Variants in NXPE4 observed in about 807,000 individuals in gnomAD.
NXPE4 encodes NXPE family member 4.
A neutral mutation model predicts 33.3 loss-of-function variants in NXPE4; 42 were observed. The observed-to-expected ratio is 1.26, with a 90% CI of 0.98 to 1.63. NXPE4 has a LOEUF of 1.63. Ranked by LOEUF, NXPE4 falls within the 40% of genes most tolerant of loss-of-function variation. NXPE4 has a pLI of 0.00. For missense variants in NXPE4, 709 were observed against 647.6 expected (o/e 1.09, Z -1.03); for synonymous variants, 253 against 234.9 (o/e 1.08, Z -0.71).
At chr11:114,652,355 G>T in the NXPE4 span, among the ~76,000 whole-genome samples, 1 of 152,192 alleles carries the variant, frequency 6.6e-6, no homozygotes, top group African/African-American at 2.4e-5. Context: ...AAAGCTCCCT[G>T]TGCCTAAGCT....
chr11:114,587,651 G>A (rs1348362428), intron 2 of NXPE4, among the ~76,000 whole-genome samples: 1 of 152,166 alleles, frequency 6.6e-6, no homozygotes, highest in Non-Finnish European at 1.5e-5. Flanking sequence ...AGGGCTCAGG[G>A]CGCCAAGGAG....
chr11:114,639,163 G>C, the NXPE4 span, among the ~76,000 whole-genome samples: 1 of 152,032 alleles, frequency 6.6e-6, no homozygotes, highest in Non-Finnish European at 1.5e-5. Flanking sequence ...AAGCAAGCCT[G>C]GGCAATGGTG....
In NXPE4 at chr11:114,594,667, T is replaced by C; in HGVS notation, c.93A>G (p.Thr31=). ...ACATAAATAAAGCATTTCCTACCTT[T>C]GTGGAGTTCTGGAAAACTGTAAAAA... ...WIIFTVFQNS[T]KVWSALNLSI... is the part of the protein sequence containing the mutation. The change falls in exon 2 of 6, where the codon ACA becomes ACG. Residue 31 remains threonine, a synonymous_variant. Transcript: ENST00000375478. 6.3e-7 allele frequency: 1 copy of C among 1,587,422 alleles called. No individual in the cohort carries two copies. The highest frequency in any genetic ancestry group is 8.6e-7 in the Non-Finnish European group (1 of 1,159,592).
At chr11:114,573,863 TAACAGATATTTACAGAACA>T (rs1948942983) in intron 5 of NXPE4, among the ~76,000 whole-genome samples, 1 of 151,978 alleles carries the variant, frequency 6.6e-6, no homozygotes, top group Non-Finnish European at 1.5e-5. Context: ...CAAATGAACT[TAACAGATATTTACAGAACA>T]TTCTACCCAA....
At chr11:114,664,526 C>G in the NXPE4 span, among the ~76,000 whole-genome samples, 45 of 152,294 alleles carry the variant, frequency 3.0e-4, no homozygotes, top group Non-Finnish European at 5.4e-4. Context: ...GACAGAGTGT[C>G]ATTTCCCACA....
the NXPE4 span, among the ~76,000 whole-genome samples, chr11:114,648,245 C>G: frequency 6.6e-6 from 1 of 151,958 alleles, no homozygotes; most frequent in Non-Finnish European, 1.5e-5. Context: ...ACTCACCAGT[C>G]TGAATTTGAA....
chr11:114,606,494 A>C, the NXPE4 span, among the ~76,000 whole-genome samples: 1 of 151,690 alleles, frequency 6.6e-6, no homozygotes, highest in Non-Finnish European at 1.5e-5. Context: ...CTTGGTGGAT[A>C]ATAAGTGTTG....
At chr11:114,596,154 A>C (rs1949569420), upstream of NXPE4, among the ~76,000 whole-genome samples, 1 of 152,180 alleles carries the variant, frequency 6.6e-6, no homozygotes, top group African/African-American at 2.4e-5. Flanking sequence ...GTATTATCTC[A>C]TACATAGTAG....
intron 2 of NXPE4, among the ~76,000 whole-genome samples, chr11:114,593,366 A>G (rs746459741): frequency 2.6e-5 from 4 of 152,144 alleles, no homozygotes. Context: ...ATTGGGCAAA[A>G]GATCTGAATA....
the NXPE4 span, among the ~76,000 whole-genome samples, chr11:114,667,408 A>G: frequency 2.6e-5 from 4 of 152,112 alleles, no homozygotes; most frequent in Non-Finnish European, 4.4e-5. Context: ...TCAGTTAGAG[A>G]TTATCCATTA....
the NXPE4 span, among the ~76,000 whole-genome samples, chr11:114,626,372 A>G: frequency 1.3e-5 from 2 of 152,024 alleles, no homozygotes; most frequent in Non-Finnish European, 2.9e-5. Context: ...CTGACCCCTG[A>G]CCCCCGAGCA....
the NXPE4 span, among the ~76,000 whole-genome samples, chr11:114,637,016 G>A: frequency 0.02 from 2,673 of 137,064 alleles, no homozygotes; most frequent in Middle Eastern, 0.034. Context: ...CCTGGGTATC[G>A]TTGTTGACTT....
the NXPE4 span, among the ~76,000 whole-genome samples, chr11:114,602,716 CAT>C: frequency 0.2 from 28,855 of 142,328 alleles, 3,399 homozygotes; most frequent in African/African-American, 0.33. Context: ...TACAGAATCA[CAT>C]ATAATTATCT....
rs565930451 is a variant in NXPE4 at position 114,570,903 on chromosome 11, T to A, written c.*35A>T. The A allele has an allele frequency of 2.7e-6, 4 of 1,463,216 alleles. No individual in the cohort carries two copies. The highest frequency in any genetic ancestry group is 4.0e-5 in the Admixed American group (2 of 49,844). 90.6% of individuals were successfully genotyped at this position (1,463,216 alleles called of 1,614,324 possible). A position where few individuals can be genotyped will look rare whatever the true frequency, so the allele number is the denominator to read the frequency against. On this transcript the variant is annotated 3_prime_UTR_variant, in exon 6 of 6. Transcript: ENST00000375478. ...CTAGTAGACAGTCAATAAATTTTTTTACTTAAGTGAATGAATTTCAGACTT... is the reference window on the plus strand; with the variant it reads ...CTAGTAGACAGTCAATAAATTTTTTAACTTAAGTGAATGAATTTCAGACTT...
At chr11:114,614,892 C>T in the NXPE4 span, among the ~76,000 whole-genome samples, 1 of 151,806 alleles carries the variant, frequency 6.6e-6, no homozygotes, top group African/African-American at 2.4e-5. Flanking sequence ...TAGGTATTGC[C>T]TCTAGGGTAA....
the NXPE4 span, among the ~76,000 whole-genome samples, chr11:114,633,002 A>T: frequency 9.4e-6 from 1 of 105,862 alleles, no homozygotes; most frequent in Non-Finnish European, 1.7e-5. Context: ...AATATATAAT[A>T]ATATATATTA....
At chr11:114,664,412 T>C in the NXPE4 span, among the ~76,000 whole-genome samples, 1 of 152,132 alleles carries the variant, frequency 6.6e-6, no homozygotes, top group African/African-American at 2.4e-5. Flanking sequence ...TTGATTGTGG[T>C]GGTAGTTACA....
the NXPE4 span, among the ~76,000 whole-genome samples, chr11:114,601,582 T>TATAATATATATTATTTATAATTATATATA: frequency 1.1e-5 from 1 of 87,740 alleles, no homozygotes; most frequent in South Asian, 3.0e-4. Context: ...TATAATTATA[T>TATAATATATATTATTTATAATTATATATA]ATTATATATA....
chr11:114,645,502 A>G, the NXPE4 span, among the ~76,000 whole-genome samples: 18,092 of 152,126 alleles, frequency 0.12, 1,445 homozygotes, highest in African/African-American at 0.23. Flanking sequence ...AAACAAAAAC[A>G]TAAATGATAG....
Sources: allele counts gnomAD v4.1 joint callset (sites outside exome capture counted in the v4.1 genomes callset), GRCh38; gene constraint gnomAD v4.1.1; transcripts MANE v1.5; gene names NCBI Gene and HGNC (gene_info 2026-07-23, HGNC 2026-07-21).